Variants in ZMYND8 observed in about 807,000 individuals in gnomAD.
The protein encoded by ZMYND8 is zinc finger MYND-type containing 8.
In ZMYND8, 37 loss-of-function variants were observed where a neutral mutation model predicts 140.8. The ratio of observed to expected loss-of-function variants is 0.26; its 90% CI spans 0.20 to 0.35. The LOEUF (loss-of-function observed/expected upper bound fraction) is 0.35. ZMYND8 is among the 10% of genes least tolerant of loss of function. The probability of loss-of-function intolerance (pLI) is 1.00; values close to 1 mark genes in which losing one functional copy is unlikely to be tolerated. For synonymous variants in ZMYND8, 592 were observed against 597.1 expected, an observed-to-expected ratio of 0.99 and a Z score of 0.12; for missense variants, 1,068 against 1,570.0, an observed-to-expected ratio of 0.68 and a Z score of 5.40.
At chr20:47,222,790 T>A (rs186695253) in intron 19 of ZMYND8, among the ~76,000 whole-genome samples, 1 of 152,372 alleles carries the variant, frequency 6.6e-6, no homozygotes, top group East Asian at 1.9e-4. Context: ...CAATATTGCC[T>A]TTTAAAAAAT....
intron 2 of ZMYND8, among the ~76,000 whole-genome samples, chr20:47,337,356 T>TAAATA (rs1487074971): frequency 2.1e-5 from 3 of 146,338 alleles, no homozygotes; most frequent in East Asian, 2.1e-4. Context: ...AAAAAATAAA[T>TAAATA]AAATAAAATA....
At chr20:47,236,198 T>C in intron 16 of ZMYND8, 128 bp downstream of exon 16, 2 of 1,120,578 alleles carry the variant, frequency 1.8e-6, no homozygotes, top group Non-Finnish European at 2.5e-6. Context: ...ATTCTGTTTT[T>C]AAAAAAAAGG....
chr20:47,301,423 T>C (rs1195231735), intron 3 of ZMYND8, among the ~76,000 whole-genome samples: 1 of 152,180 alleles, frequency 6.6e-6, no homozygotes, highest in East Asian at 1.9e-4. Flanking sequence ...CCCAAAGTGC[T>C]GGGATTACAG....
rs765442277 is a variant in ZMYND8, at chr20:47,220,357, G to C, written c.3418-33C>G. Reference sequence around the variant, plus strand: ...TACAAAAAGAAAAAGATGGACTCAAGGCACTGAGGCTACTGTCGCCCCCAC... The same window carrying C: ...TACAAAAAGAAAAAGATGGACTCAACGCACTGAGGCTACTGTCGCCCCCAC... On this transcript the variant is annotated intron_variant, in intron 20 of 22. Transcript: ENST00000471951. 7.9e-6 allele frequency: 12 copies of C among 1,520,668 alleles called. No individual in the cohort carries two copies. In the South Asian group the frequency reaches 1.1e-4, roughly 14 times the overall value. 94.2% of individuals were successfully genotyped at this position (1,520,668 alleles called of 1,614,324 possible).
At chr20:47,211,046 T>C (rs2146732657) in intron 22 of ZMYND8, 149 bp from the exon 23 acceptor site, 2 of 1,086,106 alleles carry the variant, frequency 1.8e-6, no homozygotes, top group East Asian at 2.5e-5. Context: ...CTGCCCTGCA[T>C]CTGTGGGTCT....
intron 1 of ZMYND8, chr20:47,353,205 C>T (rs991458298): frequency 6.6e-6 from 1 of 152,166 alleles, no homozygotes; most frequent in African/African-American, 2.4e-5. Flanking sequence ...GTGTCTCCCC[C>T]CTCATCCTAT....
At chr20:47,270,219 T>TA (rs1188735388) in intron 11 of ZMYND8, among the ~76,000 whole-genome samples, 1 of 149,092 alleles carries the variant, frequency 6.7e-6, no homozygotes, top group African/African-American at 2.5e-5. Context: ...GCCTGAGTGA[T>TA]AGAGTGTGAC....
chr20:47,230,808 T>C (rs576416887), intron 16 of ZMYND8, among the ~76,000 whole-genome samples: 1 of 151,822 alleles, frequency 6.6e-6, no homozygotes, highest in South Asian at 2.1e-4. Flanking sequence ...AAAAAGAAAA[T>C]CCCACTCCCC....
chr20:47,299,365 T>C (rs1288161782), intron 3 of ZMYND8, among the ~76,000 whole-genome samples: 1 of 152,178 alleles, frequency 6.6e-6, no homozygotes, highest in Non-Finnish European at 1.5e-5. Context: ...ACTGTGTTGC[T>C]ATTAAATGGG....
chr20:47,228,175 G>A (rs1205975473), intron 17 of ZMYND8, among the ~76,000 whole-genome samples: 1 of 151,872 alleles, frequency 6.6e-6, no homozygotes, highest in Non-Finnish European at 1.5e-5. Context: ...GGGCAATTTC[G>A]AGTACTCTCC....
At chr20:47,344,648 C>A (rs1286697801) in intron 2 of ZMYND8, among the ~76,000 whole-genome samples, 3 of 152,116 alleles carry the variant, frequency 2.0e-5, no homozygotes, top group Admixed American at 6.5e-5. Flanking sequence ...AATAACATAT[C>A]AAAATTGATG....
At chr20:47,302,924 G>A (rs893880483) in intron 3 of ZMYND8, among the ~76,000 whole-genome samples, 2 of 152,168 alleles carry the variant, frequency 1.3e-5, no homozygotes, top group African/African-American at 4.8e-5. Context: ...GACACTGGGG[G>A]CCAGAAAAGT....
At chr20:47,258,567 A>T (rs2074926282) in intron 12 of ZMYND8, among the ~76,000 whole-genome samples, 1 of 152,100 alleles carries the variant, frequency 6.6e-6, no homozygotes, top group Admixed American at 6.6e-5. Context: ...CCTGCACTCC[A>T]ACCCCCAGCT....
In ZMYND8 at chr20:47,209,755, C is replaced by T. The variant is rs1162990318; in HGVS notation, c.*1006G>A. 6.5e-6 allele frequency: 1 copy of T among 152,726 alleles called. No individual in the cohort carries two copies. The highest frequency in any genetic ancestry group is 6.5e-5 in the Admixed American group (1 of 15,304). 9.5% of individuals were successfully genotyped at this position (152,726 alleles called of 1,614,324 possible). A position where few individuals can be genotyped will look rare whatever the true frequency, so the allele number is the denominator to read the frequency against. On this transcript the variant is annotated 3_prime_UTR_variant, in exon 23 of 23. Coordinates refer to ENST00000471951, the MANE Select transcript of ZMYND8 (RefSeq NM_001281775.3). ...CGTAGTGTACGGACAGCATGACGGG[C>T]CTTGCTTTCTCTCATACTGCCTGTG...
chr20:47,283,811 C>T (rs2076756379), intron 8 of ZMYND8, among the ~76,000 whole-genome samples, 163 bp from the exon 9 acceptor site: 2 of 152,208 alleles, frequency 1.3e-5, no homozygotes, highest in Non-Finnish European at 2.9e-5. Context: ...AATGCTTCCA[C>T]CCAGTCCAAG....
intron 16 of ZMYND8, 139 bp downstream of exon 16, chr20:47,236,187 G>A: frequency 1.0e-6 from 1 of 968,488 alleles, no homozygotes; most frequent in Non-Finnish European, 1.5e-6. Context: ...TGGTCTTGGA[G>A]ATTCTGTTTT....
At chr20:47,238,669 A>G in intron 15 of ZMYND8, 89 bp downstream of exon 15, 1 of 1,540,600 alleles carries the variant, frequency 6.5e-7, no homozygotes, top group Non-Finnish European at 8.7e-7. Context: ...GAGAACTAAA[A>G]AAAAAAAATA....
intron 2 of ZMYND8, chr20:47,318,741 T>C (rs1269403108): frequency 4.3e-6 from 2 of 466,178 alleles, no homozygotes; most frequent in East Asian, 6.9e-5. Context: ...TCCAGAGGAC[T>C]GCACTGGCCT....
intron 10 of ZMYND8, among the ~76,000 whole-genome samples, chr20:47,280,374 A>G (rs1432728601): frequency 6.6e-6 from 1 of 152,172 alleles, no homozygotes; most frequent in African/African-American, 2.4e-5. Context: ...GAAGGGGGCC[A>G]GCTTCCACGA....
Sources: allele counts gnomAD v4.1 joint callset (sites outside exome capture counted in the v4.1 genomes callset), GRCh38; gene constraint gnomAD v4.1.1; transcripts MANE v1.5; gene names NCBI Gene and HGNC (gene_info 2026-07-23, HGNC 2026-07-21).